TYW1: variants seen among roughly 807,000 people sequenced by gnomAD.
TYW1 encodes the protein tRNA-yW synthesizing protein 1 homolog.
Under a neutral mutation model 96.2 loss-of-function variants are expected in TYW1, and 46 were observed. That is an observed-to-expected ratio of 0.48 (90% CI 0.38 to 0.61). The LOEUF is 0.61. TYW1 is among the 20% of genes least tolerant of loss of function. The pLI is 0.00. For synonymous variants in TYW1, 274 were observed against 323.0 expected, an observed-to-expected ratio of 0.85 and a Z score of 1.63; for missense variants, 684 against 909.6, an observed-to-expected ratio of 0.75 and a Z score of 3.19.
At chr7:67,041,332 C>T (rs1298890268) in intron 7 of TYW1, among the ~76,000 whole-genome samples, 1 of 151,610 alleles carries the variant, frequency 6.6e-6, no homozygotes, top group African/African-American at 2.4e-5. Context: ...TTGAGACAGT[C>T]TTGCTGTGTT....
chr7:67,173,411 G>A (rs1799573235), intron 13 of TYW1, among the ~76,000 whole-genome samples: 1 of 152,058 alleles, frequency 6.6e-6, no homozygotes, highest in African/African-American at 2.4e-5. Flanking sequence ...CCTGTAAAAT[G>A]GTAGTTACAA....
chr7:67,063,919 A>G (rs1259455818), intron 9 of TYW1, among the ~76,000 whole-genome samples: 1 of 152,192 alleles, frequency 6.6e-6, no homozygotes, highest in African/African-American at 2.4e-5. Context: ...TATATTAACA[A>G]TGAACATATG....
chr7:67,179,944 A>G lies in TYW1; in HGVS notation c.1699-3182A>G, dbSNP rs1799785642. Among the ~76,000 whole-genome samples, 3 of 103,472 alleles carry G rather than the reference A, an allele frequency of 2.9e-5. 1 individual carries two copies. Among genetic ancestry groups the G allele is most frequent in the Non-Finnish European group, 6.1e-5 (3 of 48,964 alleles). 67.9% of individuals were successfully genotyped at this position (103,472 alleles called of 152,430 possible). On this transcript the variant is annotated intron_variant, in intron 13 of 15. Transcript: ENST00000359626. Reference sequence around the variant, plus strand: ...CGTTGGTGTGATCATGGCTCACGGCAGCCTCCACCTCCCAAGCTCAAGCAA... The same window carrying G: ...CGTTGGTGTGATCATGGCTCACGGCGGCCTCCACCTCCCAAGCTCAAGCAA...
chr7:67,177,974 T>G (rs1584659061), intron 13 of TYW1, among the ~76,000 whole-genome samples: 1 of 131,298 alleles, frequency 7.6e-6, no homozygotes, highest in Non-Finnish European at 1.6e-5. Context: ...GGCAACAAAG[T>G]GAGAGCCTGT....
chr7:67,094,848 C>T (rs1177288727), intron 11 of TYW1, among the ~76,000 whole-genome samples: 1 of 152,048 alleles, frequency 6.6e-6, no homozygotes. Context: ...ACAGATCATT[C>T]TCTATCTATG....
intron 7 of TYW1, among the ~76,000 whole-genome samples, chr7:67,038,861 G>A (rs138599735): frequency 0.017 from 2,538 of 150,630 alleles, 34 homozygotes; most frequent in Admixed American, 0.045. Flanking sequence ...CCAAGATTGT[G>A]CCACTGCACT....
intron 11 of TYW1, among the ~76,000 whole-genome samples, chr7:67,085,243 A>G (rs889749165): frequency 2.6e-5 from 4 of 152,074 alleles, no homozygotes; most frequent in African/African-American, 9.7e-5. Flanking sequence ...CCTCACCCAA[A>G]TCTCATCTTG....
chr7:67,149,722 A>ATAATCTATC (rs1798730649), intron 13 of TYW1, among the ~76,000 whole-genome samples: 1 of 140,120 alleles, frequency 7.1e-6, no homozygotes, highest in African/African-American at 2.7e-5. Flanking sequence ...AGGAAAAAAA[A>ATAATCTATC]TATCTATCTA....
intron 13 of TYW1, among the ~76,000 whole-genome samples, chr7:67,145,898 G>A (rs957685009): frequency 4.6e-5 from 7 of 152,008 alleles, no homozygotes; most frequent in African/African-American, 1.2e-4. Context: ...GGGACTACAG[G>A]TGCGTGCCAC....
intron 11 of TYW1, among the ~76,000 whole-genome samples, chr7:67,092,243 C>T (rs559931020): frequency 1.3e-5 from 2 of 152,190 alleles, no homozygotes; most frequent in Admixed American, 1.3e-4. Context: ...CCTCCACTAT[C>T]GTGCCACCTC....
intron 12 of TYW1, among the ~76,000 whole-genome samples, chr7:67,110,635 A>C (rs536245050): frequency 6.6e-6 from 1 of 152,338 alleles, no homozygotes; most frequent in South Asian, 2.1e-4. Context: ...CAATATTCCC[A>C]AAACCAAAGT....
At chr7:67,183,089 C>T (rs746545783) in intron 13 of TYW1, 37 bp from the exon 14 acceptor site, 2 of 1,561,044 alleles carry the variant, frequency 1.3e-6, no homozygotes, top group Admixed American at 3.7e-5. Flanking sequence ...TGACGTCCAC[C>T]AAGATAACAA....
rs568393401 is a variant in TYW1, at chr7:67,010,938, A to G, written c.375+1254A>G. On this transcript the variant is annotated intron_variant, in intron 4 of 15. Transcript: ENST00000359626. ...GTTGTTATTGATGGCAGTGTGCTAT[A>G]CTTGTAGACCATGGGCAATCCAACC... 1.7e-4 allele frequency among the ~76,000 whole-genome samples: 26 copies of G among 152,284 alleles called. 1 individual carries two copies. The South Asian group carries it at 5.4e-3, about 32-fold the overall frequency.
At chr7:67,127,948 T>C (rs1797955342) in intron 13 of TYW1, among the ~76,000 whole-genome samples, 1 of 152,158 alleles carries the variant, frequency 6.6e-6, no homozygotes. Context: ...AAGGCTTTTT[T>C]CCCTCTGTCT....
intron 13 of TYW1, among the ~76,000 whole-genome samples, chr7:67,130,664 C>CA (rs111869101): frequency 0.084 from 11,535 of 137,764 alleles, 773 homozygotes; most frequent in East Asian, 0.17. Context: ...ACTCTTAACT[C>CA]AAAAAAAAAA....
chr7:67,156,066 C>T (rs7793101), intron 13 of TYW1, among the ~76,000 whole-genome samples: 39,353 of 151,638 alleles, frequency 0.26, 5,572 homozygotes, highest in African/African-American at 0.38. Flanking sequence ...GATACCAGCC[C>T]GATCATTCGT....
intron 13 of TYW1, among the ~76,000 whole-genome samples, chr7:67,164,167 T>G (rs568547884): frequency 4.6e-5 from 7 of 152,318 alleles, no homozygotes; most frequent in African/African-American, 1.7e-4. Context: ...TTTATATTAT[T>G]AATGCCATGC....
chr7:67,159,940 A>T (rs2116212169), intron 13 of TYW1, among the ~76,000 whole-genome samples: 1 of 151,660 alleles, frequency 6.6e-6, no homozygotes, highest in South Asian at 2.1e-4. Context: ...AGCTGGGACT[A>T]CAGGCGCCCG....
intron 9 of TYW1, among the ~76,000 whole-genome samples, chr7:67,062,355 G>T (rs1288548278): frequency 3.3e-5 from 5 of 151,844 alleles, no homozygotes; most frequent in Non-Finnish European, 1.5e-5. Context: ...GTTGCAGTGA[G>T]CCAAGATTGC....
Sources: allele counts gnomAD v4.1 joint callset (sites outside exome capture counted in the v4.1 genomes callset), GRCh38; gene constraint gnomAD v4.1.1; transcripts MANE v1.5; gene names NCBI Gene and HGNC (gene_info 2026-07-23, HGNC 2026-07-21).